Variants in MEF2A observed in about 807,000 individuals in gnomAD.
The protein encoded by MEF2A is myocyte enhancer factor 2A.
Under a neutral mutation model 55.8 loss-of-function variants are expected in MEF2A, and 28 were observed. The observed-to-expected ratio is 0.50, with a 90% confidence interval of 0.37 to 0.69. The LOEUF is 0.69. MEF2A is among the 30% of genes least tolerant of loss of function. The pLI is 0.00. For missense variants in MEF2A, 528 were observed against 626.2 expected, an observed-to-expected ratio of 0.84 and a Z score of 1.67; for synonymous variants, 239 against 227.1, an observed-to-expected ratio of 1.05 and a Z score of -0.47.
intron 3 of MEF2A, among the ~76,000 whole-genome samples, chr15:99,643,326 A>T (rs979711587): frequency 5.9e-5 from 9 of 152,198 alleles, no homozygotes. Context: ...CCAAAAACTT[A>T]CTTTGAACTG....
intron 4 of MEF2A, among the ~76,000 whole-genome samples, chr15:99,658,674 G>A (rs1271907037): frequency 4.0e-5 from 6 of 151,686 alleles, no homozygotes; most frequent in East Asian, 1.9e-4. Flanking sequence ...CAAGAAAGAC[G>A]TAAAGAAACT....
In MEF2A at chr15:99,632,355, G is replaced by A. The variant is rs980144810; in HGVS notation, c.-142-623G>A. Among the ~76,000 whole-genome samples, 8 of 152,350 alleles carry A rather than the reference G, an allele frequency of 5.3e-5. No homozygotes were observed. The East Asian group carries it at 5.8e-4, about 11-fold the overall frequency. ...TTTTACGAAAGTATATAGTGGCTTT[G>A]TGAATTGACAAATAGTGATTTGGCT... On this transcript the variant is annotated intron_variant, in intron 2 of 11. Transcript: ENST00000557942.
At chr15:99,660,288 G>A (rs549176877) in intron 4 of MEF2A, among the ~76,000 whole-genome samples, 14 of 152,142 alleles carry the variant, frequency 9.2e-5, no homozygotes, top group African/African-American at 3.4e-4. Context: ...CCCGACCTCC[G>A]CCTGGGAGAC....
At chr15:99,697,334 A>G (rs909601376) in intron 8 of MEF2A, among the ~76,000 whole-genome samples, 1 of 152,124 alleles carries the variant, frequency 6.6e-6, no homozygotes, top group Non-Finnish European at 1.5e-5. Flanking sequence ...TTCATGTAGA[A>G]AAGTGTAAAG....
rs184701961 is a variant in MEF2A, at chr15:99,667,177, T to A, written c.259-4146T>A. Reference sequence around the variant, plus strand: ...ATCAGTGAGTTGGGTGGTTTCACACTCGTAAGTGGTAAAATAGTTTTGTTT... The same window carrying A: ...ATCAGTGAGTTGGGTGGTTTCACACACGTAAGTGGTAAAATAGTTTTGTTT... On this transcript the variant is annotated intron_variant, in intron 4 of 11. Coordinates refer to ENST00000557942, the MANE Select transcript of MEF2A (RefSeq NM_001319206.4). Among the ~76,000 whole-genome samples, 102 of 152,304 alleles carry A rather than the reference T, an allele frequency of 6.7e-4. No individual in the cohort carries two copies. In the South Asian group the frequency reaches 0.013, roughly 19 times the overall value.
chr15:99,676,178 T>C (rs2153654076), intron 7 of MEF2A, among the ~76,000 whole-genome samples: 1 of 152,318 alleles, frequency 6.6e-6, no homozygotes, highest in Admixed American at 6.5e-5. Flanking sequence ...CCTAATTATA[T>C]CTGCCACAGT....
chr15:99,595,911 A>G (rs1340771724), intron 1 of MEF2A, among the ~76,000 whole-genome samples: 1 of 152,184 alleles, frequency 6.6e-6, no homozygotes, highest in Non-Finnish European at 1.5e-5. Context: ...GGAGATAGGG[A>G]TAGCAATTAG....
At chr15:99,577,405 G>GCGGAATACCAGTGAA (rs1964643319) in intron 1 of MEF2A, among the ~76,000 whole-genome samples, 1 of 26,524 alleles carries the variant, frequency 3.8e-5, no homozygotes, top group Non-Finnish European at 3.1e-4. Context: ...GCTAGGTGCT[G>GCGGAATACCAGTGAA]CAAGGCTTGG....
intron 1 of MEF2A, among the ~76,000 whole-genome samples, chr15:99,585,225 A>C (rs1229434568): frequency 6.6e-6 from 1 of 152,194 alleles, no homozygotes; most frequent in Non-Finnish European, 1.5e-5. Flanking sequence ...AAGGTTATAC[A>C]AAATTGTGTT....
chr15:99,667,547 AT>A (rs1247941009), intron 4 of MEF2A, among the ~76,000 whole-genome samples: 2 of 152,134 alleles, frequency 1.3e-5, no homozygotes, highest in African/African-American at 4.8e-5. Context: ...TATAAAGGTG[AT>A]TATATCAAGT....
chr15:99,700,626 C>G (rs977723642), intron 8 of MEF2A, among the ~76,000 whole-genome samples: 33 of 152,112 alleles, frequency 2.2e-4, no homozygotes, highest in Non-Finnish European at 1.5e-4. Context: ...ACTGAACATA[C>G]CTGGTGCTCA....
intron 9 of MEF2A, among the ~76,000 whole-genome samples, chr15:99,705,493 G>A (rs367845978): frequency 1.1e-4 from 17 of 152,314 alleles, no homozygotes; most frequent in Admixed American, 3.9e-4. Flanking sequence ...GAAGTTCAGA[G>A]AGGTCAAATT....
chr15:99,670,087 T>C (rs984075050), intron 4 of MEF2A, among the ~76,000 whole-genome samples: 5 of 152,102 alleles, frequency 3.3e-5, no homozygotes, highest in Non-Finnish European at 7.4e-5. Context: ...CCCACTAGGA[T>C]TTTTTAAAAA....
intron 1 of MEF2A, among the ~76,000 whole-genome samples, chr15:99,571,003 G>A (rs1281028072): frequency 1.3e-5 from 2 of 151,956 alleles, no homozygotes; most frequent in African/African-American, 4.8e-5. Context: ...TGGCCAACGT[G>A]GTGAAACCCC....
intron 4 of MEF2A, chr15:99,657,630 G>A (rs1187296961): frequency 2.0e-5 from 3 of 151,920 alleles, no homozygotes; most frequent in African/African-American, 7.3e-5. Flanking sequence ...ACTGAGATTT[G>A]GGTTCTGATA....
intron 2 of MEF2A, among the ~76,000 whole-genome samples, chr15:99,622,704 T>TTTCTTTTC (rs1374542730): frequency 6.9e-6 from 1 of 144,778 alleles, no homozygotes; most frequent in East Asian, 2.0e-4. Flanking sequence ...TTTCTTTTCT[T>TTTCTTTTC]TTTTTTTTTC....
chr15:99,580,927 A>G (rs1258554985), intron 1 of MEF2A, among the ~76,000 whole-genome samples: 2 of 152,160 alleles, frequency 1.3e-5, no homozygotes, highest in African/African-American at 2.4e-5. Context: ...AATGGTAGGT[A>G]TGATGTTATT....
At chr15:99,664,059 G>A (rs995445053) in intron 4 of MEF2A, among the ~76,000 whole-genome samples, 1 of 152,176 alleles carries the variant, frequency 6.6e-6, no homozygotes, top group Non-Finnish European at 1.5e-5. Context: ...GTTTCAATCA[G>A]TTATCTTTGA....
chr15:99,617,569 G>C (rs141313798), intron 2 of MEF2A, among the ~76,000 whole-genome samples: 592 of 152,228 alleles, frequency 3.9e-3, no homozygotes, highest in Non-Finnish European at 5.4e-3. Context: ...TATGTATCAG[G>C]ATACTTTCTG....
Sources: allele counts gnomAD v4.1 joint callset (sites outside exome capture counted in the v4.1 genomes callset), GRCh38; gene constraint gnomAD v4.1.1; transcripts MANE v1.5; gene names NCBI Gene and HGNC (gene_info 2026-07-23, HGNC 2026-07-21).